The following MYH15 variants were observed in gnomAD, a reference collection of about 807,000 sequenced individuals.
The protein encoded by MYH15 is myosin heavy chain 15, also known as myosin-15.
A neutral mutation model predicts 240.5 loss-of-function variants in MYH15; 227 were observed. The observed-to-expected ratio is 0.94, with a 90% CI of 0.85 to 1.05. The LOEUF is 1.05. Ranked by LOEUF, MYH15 falls within the 50% of genes least tolerant of loss-of-function variation. The probability of loss-of-function intolerance (pLI) is 0.00; values close to 1 mark genes in which losing one functional copy is unlikely to be tolerated. For missense variants in MYH15, 2,217 were observed against 2,247.5 expected, an observed-to-expected ratio of 0.99 and a Z score of 0.27; for synonymous variants, 785 against 796.7, an observed-to-expected ratio of 0.99 and a Z score of 0.25.
At chr3:108,409,937 T>A (rs1028290385) in intron 31 of MYH15, among the ~76,000 whole-genome samples, 1 of 152,228 alleles carries the variant, frequency 6.6e-6, no homozygotes, top group Non-Finnish European at 1.5e-5. Context: ...AAAAAGCTTA[T>A]GGTAGGTCTC....
chr3:108,464,267 G>A (rs1209727008), intron 15 of MYH15, among the ~76,000 whole-genome samples: 4 of 151,990 alleles, frequency 2.6e-5, no homozygotes, highest in African/African-American at 7.2e-5. Context: ...ATTTCTTTAC[G>A]GGAGAATAAA....
At chr3:108,440,492 C>A (rs1392288499) in intron 23 of MYH15, among the ~76,000 whole-genome samples, 3 of 151,768 alleles carry the variant, frequency 2.0e-5, no homozygotes, top group African/African-American at 4.8e-5. Flanking sequence ...AGGCTTGATG[C>A]GGACTCCTCA....
At chr3:108,427,689 A>T (rs868811692) in intron 27 of MYH15, among the ~76,000 whole-genome samples, 1 of 151,940 alleles carries the variant, frequency 6.6e-6, no homozygotes, top group African/African-American at 2.4e-5. Context: ...CTTTCTACTC[A>T]GTATGGTATT....
chr3:108,542,545 T>C, the MYH15 span, among the ~76,000 whole-genome samples: 4 of 152,228 alleles, frequency 2.6e-5, no homozygotes, highest in Non-Finnish European at 4.4e-5. Context: ...AGCTCATTTA[T>C]TTTTAGCATT....
At chr3:108,522,549 G>A (rs562138337) in intron 1 of MYH15, among the ~76,000 whole-genome samples, 10 of 150,966 alleles carry the variant, frequency 6.6e-5, no homozygotes, top group Admixed American at 5.3e-4. Flanking sequence ...TTGACTTGAC[G>A]ACAAAATTAA....
At chr3:108,542,705 C>T in the MYH15 span, among the ~76,000 whole-genome samples, 1 of 152,112 alleles carries the variant, frequency 6.6e-6, no homozygotes, top group Non-Finnish European at 1.5e-5. Context: ...TCTTGCCCCC[C>T]ACTCCTCCCC....
Position 108,490,405 on chromosome 3 carries a change from C to T in MYH15, c.871+2095G>A, listed in dbSNP as rs115354918. On this transcript the variant is annotated intron_variant, in intron 9 of 40. Coordinates refer to ENST00000693548, the MANE Select transcript of MYH15 (RefSeq NM_014981.3). ...CTGTAATCTTACCCTATGTCCACTT[C>T]TGTGGGAGCATTGTTGTCCTCAAAG... 3.7e-3 allele frequency among the ~76,000 whole-genome samples: 569 copies of T among 152,342 alleles called. 4 individuals are homozygous for T. The highest frequency in any genetic ancestry group is 6.1e-3 in the Non-Finnish European group (413 of 68,034).
chr3:108,410,795 C>A lies in MYH15; in HGVS notation c.4283G>T (p.Arg1428Leu), dbSNP rs367795542. 1.7e-5 allele frequency: 27 copies of A among 1,614,000 alleles called. No homozygotes were observed. Among genetic ancestry groups the A allele is most frequent in the Non-Finnish European group, 2.3e-5 (27 of 1,179,992 alleles). Reference protein sequence around the residue: ...GDALSDLGKVRSAAARLDQKQ... With the variant: ...GDALSDLGKVLSAAARLDQKQ... ...CTGGTCCAGCCTGGCTGCTGCAGAG[C>A]GGACCTTCCCGAGGTCAGACAGGGC... is the stretch of plus-strand genomic sequence containing the variant. Residue 1428 changes from arginine to leucine, a missense_variant, in exon 31 of 41, where the codon CGC becomes CTC. By Grantham distance (102) the Arg-to-Leu change is moderately radical. Transcript: ENST00000693548.
At chr3:108,418,101 T>C (rs746588990) in intron 28 of MYH15, among the ~76,000 whole-genome samples, 1 of 152,196 alleles carries the variant, frequency 6.6e-6, no homozygotes, top group African/African-American at 2.4e-5. Flanking sequence ...TTGTTCATTT[T>C]TGAGAAATCA....
At chr3:108,420,692 A>T (rs2082675875) in intron 28 of MYH15, among the ~76,000 whole-genome samples, 1 of 152,200 alleles carries the variant, frequency 6.6e-6, no homozygotes, top group Admixed American at 6.5e-5. Flanking sequence ...TGGTTTTACC[A>T]GGTGTAAAGA....
rs1014191594 is a variant in MYH15, at chr3:108,460,381, A to G, written c.1865-14T>C. The stretch of plus-strand genomic sequence containing the variant: ...CAAATGGTATAGCTAGCAAAAAAAA[A>G]AAAAGAAAAAGATGAAAACATGTAA... On this transcript the variant is annotated splice_polypyrimidine_tract_variant and intron_variant, in intron 16 of 40. Transcript: ENST00000693548. 10 of 1,568,878 alleles carry G rather than the reference A, an allele frequency of 6.4e-6. No homozygotes were observed. The highest frequency in any genetic ancestry group is 1.4e-5 in the African/African-American group (1 of 72,372).
intron 5 of MYH15, among the ~76,000 whole-genome samples, chr3:108,498,471 C>T (rs2083411455): frequency 6.6e-6 from 1 of 152,180 alleles, no homozygotes; most frequent in Non-Finnish European, 1.5e-5. Flanking sequence ...TCATTACCAG[C>T]TGTTCAAGAG....
At chr3:108,407,301 C>T (rs1213184616) in intron 32 of MYH15, among the ~76,000 whole-genome samples, 5 of 152,172 alleles carry the variant, frequency 3.3e-5, no homozygotes, top group African/African-American at 1.2e-4. Flanking sequence ...CCAAGAGACC[C>T]CTGCCTAACA....
chr3:108,492,565 T>A lies in MYH15; in HGVS notation c.806A>T (p.Gln269Leu). 1 of 1,613,614 alleles carries A rather than the reference T, an allele frequency of 6.2e-7. No individual in the cohort carries two copies. Among genetic ancestry groups the A allele is most frequent in the Non-Finnish European group, 8.5e-7 (1 of 1,179,632 alleles). The change falls in exon 9 of 41, where the codon CAG becomes CTG. Residue 269 changes from glutamine to leucine, a missense_variant. By Grantham distance (113) the Gln-to-Leu change is moderately radical. Transcript: ENST00000693548. Reference sequence around the variant, plus strand: ...GTGGTAGTTCCTCTCTCCAGCCTGCTGGAAAATCACCCTGGACTTTTCAAG... The same window carrying A: ...GTGGTAGTTCCTCTCTCCAGCCTGCAGGAAAATCACCCTGGACTTTTCAAG... ...YLLEKSRVIFQQAGERNYHIF... is the reference protein window; with the variant it reads ...YLLEKSRVIFLQAGERNYHIF...
chr3:108,482,259 A>C (rs2083273225), intron 11 of MYH15, among the ~76,000 whole-genome samples: 1 of 152,118 alleles, frequency 6.6e-6, no homozygotes, highest in African/African-American at 2.4e-5. Context: ...TGGGATGAAG[A>C]GTTCAGTTCT....
the MYH15 span, among the ~76,000 whole-genome samples, chr3:108,544,243 T>C: frequency 6.6e-6 from 1 of 152,210 alleles, no homozygotes; most frequent in Non-Finnish European, 1.5e-5. Flanking sequence ...CTTACTCTCC[T>C]CTGGCCCCCC....
intron 29 of MYH15, among the ~76,000 whole-genome samples, chr3:108,416,546 G>C (rs756371121): frequency 1.3e-5 from 2 of 152,014 alleles, no homozygotes; most frequent in African/African-American, 4.8e-5. Flanking sequence ...AATCCTGAAA[G>C]AGCCTTGCTG....
Position 108,470,095 on chromosome 3 carries a change from C to G in MYH15, c.1501G>C (p.Val501Leu). The change falls in exon 14 of 41, where the codon GTG becomes CTG. Residue 501 changes from valine to leucine, a missense_variant. Val to Leu is a conservative substitution (Grantham distance 32). Transcript: ENST00000693548. ...EEYKKESIEW[V>L]SIGFGLDLQA... ...AAATCCAGACCAAAGCCAATAGACA[C>G]CCATTCAATGCTTTCTTTCTTATAT... 1 of 1,612,190 alleles carries G rather than the reference C, an allele frequency of 6.2e-7. No homozygotes were observed.
intron 22 of MYH15, among the ~76,000 whole-genome samples, chr3:108,442,701 A>G (rs895207462): frequency 6.6e-6 from 1 of 151,938 alleles, no homozygotes; most frequent in Non-Finnish European, 1.5e-5. Context: ...CATACTCACA[A>G]TGTTAATTGA....
Sources: gnomAD v4.1 joint callset for allele counts (sites outside exome capture counted in the v4.1 genomes callset) on GRCh38, gnomAD v4.1.1 for gene constraint, MANE v1.5 for transcripts, NCBI Gene and HGNC (gene_info 2026-07-23, HGNC 2026-07-21) for gene names.